Variants in HEATR5B observed in about 807,000 individuals in gnomAD.
The protein encoded by HEATR5B is HEAT repeat containing 5B.
A neutral mutation model predicts 224.1 loss-of-function variants in HEATR5B; 156 were observed. The ratio of observed to expected loss-of-function variants is 0.70; its 90% CI spans 0.61 to 0.80. The LOEUF is 0.80. Ranked by LOEUF, HEATR5B falls within the 30% of genes least tolerant of loss-of-function variation. HEATR5B has a pLI of 0.00. For synonymous variants in HEATR5B, 1,027 were observed against 893.0 expected, an observed-to-expected ratio of 1.15 and a Z score of -2.68; for missense variants, 2,323 against 2,535.5, an observed-to-expected ratio of 0.92 and a Z score of 1.80.
intron 27 of HEATR5B, among the ~76,000 whole-genome samples, chr2:37,010,279 C>G (rs1254029663): frequency 6.6e-6 from 1 of 152,076 alleles, no homozygotes; most frequent in Non-Finnish European, 1.5e-5. Flanking sequence ...GTGTTACATC[C>G]ATTGTACCTA....
rs1280266354 is a variant in HEATR5B at position 37,072,284 on chromosome 2, G to A, written c.598-3C>T. On this transcript the variant is annotated splice_polypyrimidine_tract_variant and splice_region_variant and intron_variant, in intron 5 of 35. Transcript: ENST00000233099. ...TCATTCTGTAGTTCTAGTAGACACTGGAATTAAAAACAAAAAAGTAAATAA... is the reference window on the plus strand; with the variant it reads ...TCATTCTGTAGTTCTAGTAGACACTAGAATTAAAAACAAAAAAGTAAATAA... 1 of 1,590,554 alleles carries A rather than the reference G, an allele frequency of 6.3e-7. No individual in the cohort carries two copies. The highest frequency in any genetic ancestry group is 1.7e-5 in the Admixed American group (1 of 57,544).
At chr2:37,024,129 G>A (rs1668625945) in intron 24 of HEATR5B, among the ~76,000 whole-genome samples, 1 of 152,200 alleles carries the variant, frequency 6.6e-6, no homozygotes, top group Non-Finnish European at 1.5e-5. Flanking sequence ...GAGGCATTAG[G>A]TTAAGTGAAA....
chr2:37,082,052 C>CTTTTTTTTTTTTTTTT (rs61036576), intron 2 of HEATR5B, among the ~76,000 whole-genome samples: 1 of 23,944 alleles, frequency 4.2e-5, no homozygotes, highest in African/African-American at 1.5e-4. Flanking sequence ...GAAGTATCTA[C>CTTTTTTTTTTTTTTTT]TTTTTTTTTT....
At position 37,018,368 on chromosome 2, in the gene HEATR5B, A is replaced by G. The variant is rs1464002540; in HGVS notation, c.4104+1441T>C. Among the ~76,000 whole-genome samples, 5 of 152,324 alleles carry G rather than the reference A, an allele frequency of 3.3e-5. No individual in the cohort carries two copies. The East Asian group carries it at 9.6e-4, about 29-fold the overall frequency. ...ACGTCATCATGATACACTTATTTAC[A>G]TATGGACAGTAATTTTTTGATATTT... On this transcript the variant is annotated intron_variant, in intron 26 of 35. Coordinates refer to ENST00000233099, the MANE Select transcript of HEATR5B (RefSeq NM_019024.3).
intron 2 of HEATR5B, among the ~76,000 whole-genome samples, chr2:37,082,525 T>A (rs72789091): frequency 5.9e-5 from 9 of 152,294 alleles, no homozygotes; most frequent in Non-Finnish European, 1.0e-4. Context: ...GAAACCCGAA[T>A]GAGGGCAAGG....
chr2:37,053,411 T>C (rs1239497596), intron 17 of HEATR5B, 91 bp downstream of exon 17: 2 of 601,622 alleles, frequency 3.3e-6, no homozygotes, highest in African/African-American at 1.9e-5. Context: ...GTGATTTACA[T>C]ATAAACATTA....
intron 23 of HEATR5B, 123 bp downstream of exon 23, chr2:37,028,556 CAA>C: frequency 1.5e-6 from 1 of 685,310 alleles, no homozygotes; most frequent in Non-Finnish European, 2.2e-6. Context: ...ATTTGTAGAT[CAA>C]AAGTTATTAC....
chr2:37,014,068 G>T, intron 26 of HEATR5B, 48 bp from the exon 27 acceptor site: 1 of 1,115,902 alleles, frequency 9.0e-7, no homozygotes, highest in Middle Eastern at 2.4e-4. Context: ...AATTAATGCT[G>T]TATAAGAAAA....
At chr2:37,076,181 T>C (rs1005446960) in intron 4 of HEATR5B, 9 of 152,306 alleles carry the variant, frequency 5.9e-5, no homozygotes, top group African/African-American at 2.2e-4. Flanking sequence ...CACACTTAGC[T>C]CTCTTCCACT....
intron 18 of HEATR5B, among the ~76,000 whole-genome samples, 197 bp from the exon 19 acceptor site, chr2:37,041,489 G>A (rs1169617477): frequency 6.6e-6 from 1 of 152,310 alleles, no homozygotes; most frequent in South Asian, 2.1e-4. Context: ...GCTCATGCCT[G>A]TAATCCCAGC....
intron 18 of HEATR5B, among the ~76,000 whole-genome samples, chr2:37,046,378 T>C (rs1260660206): frequency 2.0e-5 from 3 of 152,118 alleles, no homozygotes; most frequent in African/African-American, 7.2e-5. Flanking sequence ...CTGGCTCATG[T>C]CTGTAATCGC....
At position 37,057,477 on chromosome 2, in the gene HEATR5B, G is replaced by C. The variant is rs780681591; in HGVS notation, c.2063C>G (p.Ser688Cys). 3 of 1,597,306 alleles carry C rather than the reference G, an allele frequency of 1.9e-6. No individual in the cohort carries two copies. Among genetic ancestry groups the C allele is most frequent in the East Asian group, 2.3e-5 (1 of 44,160 alleles). ...CAGTTCTCTAAGAAGTGCATTAAAA[G>C]ATCCTAAAAAACAGAACTTCAGATC... ...ALLPPKTYEG[S>C]FNALLRELVA... The change falls in exon 15 of 36, where the codon TCT (serine) becomes TGT (cysteine). Residue 688 changes from serine to cysteine, a missense_variant. Physicochemically the swap from Ser to Cys is moderately radical, Grantham distance 112. Coordinates refer to ENST00000233099, the MANE Select transcript of HEATR5B (RefSeq NM_019024.3).
At chr2:37,056,742 G>A (rs1351075578) in intron 15 of HEATR5B, 127 bp from the exon 16 acceptor site, 8 of 754,088 alleles carry the variant, frequency 1.1e-5, no homozygotes, top group Admixed American at 7.0e-5. Flanking sequence ...GATTGGATCC[G>A]AACATTTGAA....
At chr2:37,053,760 T>C (rs540106888) in intron 16 of HEATR5B, among the ~76,000 whole-genome samples, 153 bp from the exon 17 acceptor site, 1 of 152,200 alleles carries the variant, frequency 6.6e-6, no homozygotes, top group East Asian at 1.9e-4. Context: ...CCAAACCAGA[T>C]CTCCTTCTCC....
At chr2:36,990,870 G>A (rs1199341103) in intron 33 of HEATR5B, 71 bp from the exon 34 acceptor site, 2 of 1,306,942 alleles carry the variant, frequency 1.5e-6, no homozygotes, top group African/African-American at 1.5e-5. Flanking sequence ...TATTTTTGTA[G>A]AGAGAGACGT....
intron 21 of HEATR5B, among the ~76,000 whole-genome samples, chr2:37,034,699 C>A: frequency 2.0e-5 from 3 of 150,054 alleles, no homozygotes; most frequent in Middle Eastern, 6.9e-3. Flanking sequence ...CTCAACCTCT[C>A]GGGCTCAAGC....
intron 22 of HEATR5B, among the ~76,000 whole-genome samples, chr2:37,029,976 A>AAAT (rs1558753810): frequency 2.7e-5 from 3 of 109,820 alleles, no homozygotes; most frequent in African/African-American, 8.0e-5. Flanking sequence ...AATAAATAAA[A>AAAT]ATTGGGAAAA....
At chr2:36,986,945 G>C (rs1665988803) in intron 35 of HEATR5B, among the ~76,000 whole-genome samples, 1 of 151,742 alleles carries the variant, frequency 6.6e-6, no homozygotes, top group African/African-American at 2.4e-5. Flanking sequence ...TAGAGATGGG[G>C]TTCCACCACG....
chr2:37,005,864 T>A, intron 29 of HEATR5B, 105 bp from the exon 30 acceptor site: 1 of 855,780 alleles, frequency 1.2e-6, no homozygotes, highest in Non-Finnish European at 1.7e-6. Context: ...TACCTTAACA[T>A]GTATTTATTA....
Sources: gnomAD v4.1 joint callset for allele counts (sites outside exome capture counted in the v4.1 genomes callset) on GRCh38, gnomAD v4.1.1 for gene constraint, MANE v1.5 for transcripts, NCBI Gene and HGNC (gene_info 2026-07-23, HGNC 2026-07-21) for gene names.